The following FGF14 variants were observed in gnomAD, a reference collection of about 807,000 sequenced individuals.
FGF14 encodes the protein fibroblast growth factor 14, also known as fibroblast growth factor homologous factor 4.
In FGF14, 5 loss-of-function variants were observed where a neutral mutation model predicts 25.5. The observed-to-expected ratio is 0.20, with a 90% CI of 0.10 to 0.41. The LOEUF (loss-of-function observed/expected upper bound fraction) is 0.41. Ranked by LOEUF, FGF14 falls within the 10% of genes least tolerant of loss-of-function variation. FGF14 has a pLI of 1.00. For missense variants in FGF14, 222 were observed against 320.1 expected (o/e 0.69, Z 2.34); for synonymous variants, 138 against 118.3 (o/e 1.17, Z -1.08).
intron 3 of FGF14, among the ~76,000 whole-genome samples, chr13:101,817,255 A>C (rs921430538): frequency 6.6e-6 from 1 of 152,228 alleles, no homozygotes; most frequent in Non-Finnish European, 1.5e-5. Context: ...TGCTTAAGAA[A>C]TGATTCCCTC....
chr13:102,377,823 A>T (rs952415988), intron 1 of FGF14, among the ~76,000 whole-genome samples: 1 of 152,094 alleles, frequency 6.6e-6, no homozygotes, highest in Admixed American at 6.6e-5. Context: ...ACAACAAAAA[A>T]ATTCTAGCAC....
chr13:101,904,568 C>G (rs1461622931), intron 1 of FGF14, among the ~76,000 whole-genome samples: 1 of 152,062 alleles, frequency 6.6e-6, no homozygotes, highest in Non-Finnish European at 1.5e-5. Context: ...ACGAATGTTC[C>G]TGGGGAGATT....
At chr13:102,307,350 T>G (rs1181693269) in intron 1 of FGF14, among the ~76,000 whole-genome samples, 1 of 152,170 alleles carries the variant, frequency 6.6e-6, no homozygotes, top group Non-Finnish European at 1.5e-5. Flanking sequence ...TGCAGAACTG[T>G]TTGATCATAA....
chr13:102,104,639 AC>A (rs1029510259), intron 1 of FGF14, among the ~76,000 whole-genome samples: 3 of 151,826 alleles, frequency 2.0e-5, no homozygotes, highest in Non-Finnish European at 4.4e-5. Flanking sequence ...CACACAAATT[AC>A]CCAGGCATGG....
intron 1 of FGF14, among the ~76,000 whole-genome samples, chr13:102,042,150 C>A (rs1163337399): frequency 6.6e-6 from 1 of 152,174 alleles, no homozygotes; most frequent in African/African-American, 2.4e-5. Flanking sequence ...TACTACCTAG[C>A]ACATGATAGG....
intron 3 of FGF14, among the ~76,000 whole-genome samples, chr13:101,745,224 T>G (rs1594103678): frequency 6.6e-6 from 1 of 152,098 alleles, no homozygotes; most frequent in East Asian, 1.9e-4. Flanking sequence ...AGTTTTAAAT[T>G]CACAGAAAAA....
At chr13:102,096,538 T>G (rs2044410794) in intron 1 of FGF14, among the ~76,000 whole-genome samples, 2 of 152,240 alleles carry the variant, frequency 1.3e-5, no homozygotes, top group African/African-American at 4.8e-5. Context: ...GATGATATTT[T>G]CATGTTTTTA....
chr13:101,914,052 CAT>C (rs1316226478), intron 1 of FGF14, among the ~76,000 whole-genome samples: 4 of 151,844 alleles, frequency 2.6e-5, no homozygotes, highest in Admixed American at 2.6e-4. Flanking sequence ...GCTATAAAGA[CAT>C]ATAAAACCAT....
chr13:101,809,435 T>C (rs894901585), intron 3 of FGF14, among the ~76,000 whole-genome samples: 1 of 152,100 alleles, frequency 6.6e-6, no homozygotes, highest in South Asian at 2.1e-4. Flanking sequence ...TATCATAAAA[T>C]CTAAAAACAG....
At chr13:102,090,471 C>T (rs1595237784) in intron 1 of FGF14, among the ~76,000 whole-genome samples, 1 of 152,076 alleles carries the variant, frequency 6.6e-6, no homozygotes. Context: ...GATATTACTA[C>T]CTGGAAATGT....
At chr13:101,872,582 C>T (rs2045160560) in intron 2 of FGF14, among the ~76,000 whole-genome samples, 1 of 151,964 alleles carries the variant, frequency 6.6e-6, no homozygotes, top group East Asian at 2.0e-4. Context: ...TAAGAAACAC[C>T]GTTTTGCAAT....
chr13:102,058,811 T>G (rs913015992), intron 1 of FGF14, among the ~76,000 whole-genome samples: 3 of 152,196 alleles, frequency 2.0e-5, no homozygotes, highest in African/African-American at 7.2e-5. Context: ...TGCTTATTTT[T>G]CTGAGTCCAA....
chr13:101,861,621 C>G (rs1594519685), intron 3 of FGF14, among the ~76,000 whole-genome samples: 2 of 152,106 alleles, frequency 1.3e-5, no homozygotes. Context: ...TTGTGTCTTC[C>G]TTTCTAAAAT....
Position 101,714,706 on chromosome 13 carries a change from C to T in FGF14, c.*8125G>A, listed in dbSNP as rs1252426689. ...CGAAGTGGGCATTTGGGAAAAAGCC[C>T]TCACAAAAGCCTCACATTATTCCTA... On this transcript the variant is annotated 3_prime_UTR_variant, in exon 5 of 5. Transcript: ENST00000376143. The T allele has an allele frequency of 4.6e-5, 28 of 606,378 alleles. No individual in the cohort carries two copies. In the East Asian group the frequency reaches 7.4e-4, roughly 16 times the overall value. 37.6% of individuals were successfully genotyped at this position (606,378 alleles called of 1,614,324 possible).
chr13:102,232,257 TCA>T (rs1007897711), intron 1 of FGF14, among the ~76,000 whole-genome samples: 17 of 151,426 alleles, frequency 1.1e-4, no homozygotes, highest in South Asian at 2.1e-4. Flanking sequence ...AGAAAAAAAA[TCA>T]CAGTCATATG....
chr13:101,895,318 C>T (rs2030470961), intron 1 of FGF14, among the ~76,000 whole-genome samples: 1 of 152,080 alleles, frequency 6.6e-6, no homozygotes, highest in South Asian at 2.1e-4. Context: ...AATTTTCTTA[C>T]AAATGCCTTT....
intron 1 of FGF14, among the ~76,000 whole-genome samples, chr13:102,203,136 T>G (rs1272029889): frequency 6.6e-6 from 1 of 152,212 alleles, no homozygotes; most frequent in Non-Finnish European, 1.5e-5. Context: ...GATGTTTTAT[T>G]ACAGCATGTG....
intron 1 of FGF14, among the ~76,000 whole-genome samples, chr13:102,209,465 G>C (rs2050074214): frequency 6.6e-6 from 1 of 152,164 alleles, no homozygotes; most frequent in Non-Finnish European, 1.5e-5. Flanking sequence ...AAAAAAGAAA[G>C]AAGATTTGTT....
At chr13:102,336,526 AG>A (rs1235808383) in intron 1 of FGF14, among the ~76,000 whole-genome samples, 1 of 152,234 alleles carries the variant, frequency 6.6e-6, no homozygotes, top group African/African-American at 2.4e-5. Flanking sequence ...TGAAACAGCA[AG>A]TGCTGATGCA....
Sources: allele counts gnomAD v4.1 joint callset (sites outside exome capture counted in the v4.1 genomes callset), GRCh38; gene constraint gnomAD v4.1.1; transcripts MANE v1.5; gene names NCBI Gene and HGNC (gene_info 2026-07-23, HGNC 2026-07-21).